The following BRF1 variants were observed in gnomAD, a reference collection of about 807,000 sequenced individuals.
BRF1 encodes the protein BRF1 general transcription factor IIIB subunit, also known as transcription factor IIIB 90 kDa subunit.
BRF1 carries 59 observed loss-of-function variants against 81.7 expected under a neutral mutation model. The observed-to-expected ratio is 0.72, with a 90% confidence interval of 0.59 to 0.90. The LOEUF is 0.90. Among genes scored for constraint, BRF1 ranks in the 40% least tolerant of loss-of-function variants. The pLI is 0.00. For synonymous variants in BRF1, 491 were observed against 395.6 expected (o/e 1.24, Z -2.86); for missense variants, 1,050 against 936.3 (o/e 1.12, Z -1.58).
At chr14:105,241,131 T>C (rs1189514633) in intron 6 of BRF1, 134 bp downstream of exon 6, 8 of 1,417,134 alleles carry the variant, frequency 5.6e-6, no homozygotes, top group Non-Finnish European at 7.6e-6. Flanking sequence ...CAGGCCAGAG[T>C]CAGCCCCGGG....
chr14:105,300,703 G>T lies in BRF1; in HGVS notation c.-74C>A. 8.5e-7 allele frequency: 1 copy of T among 1,172,734 alleles called. No homozygotes were observed. Among genetic ancestry groups the T allele is most frequent in the Non-Finnish European group, 1.1e-6 (1 of 935,208 alleles). 72.6% of individuals were successfully genotyped at this position (1,172,734 alleles called of 1,614,324 possible). ...CACCCGAGCCTCCGGAGCAGCCCGC[G>T]CCGCCCGCCCAGGCCCAGCCGCCCA... On this transcript the variant is annotated 5_prime_UTR_variant, in exon 1 of 18. Coordinates refer to ENST00000547530, the MANE Select transcript of BRF1 (RefSeq NM_001519.4).
chr14:105,249,877 C>T (rs777448614), intron 5 of BRF1: 19 of 1,611,978 alleles, frequency 1.2e-5, no homozygotes, highest in East Asian at 2.2e-5. Flanking sequence ...CCCTACGGTC[C>T]GAAGGCTTCT....
chr14:105,315,325 G>T lies in BRF1; in HGVS notation c.-165C>A, dbSNP rs935252377. Reference sequence around the variant, plus strand: ...GGGGCTCCCGGGCGGCGCTCACCTGGCTCGCCGCAACCGCACCTGCACACC... The same window carrying T: ...GGGGCTCCCGGGCGGCGCTCACCTGTCTCGCCGCAACCGCACCTGCACACC... On this transcript the variant is annotated 5_prime_UTR_variant, in exon 1 of 18. Transcript: ENST00000327359. The surrounding 1 kb of genome is among the most constrained non-coding windows in gnomAD (Gnocchi z 4.4). 1.3e-5 allele frequency: 2 copies of T among 153,684 alleles called. No individual in the cohort carries two copies. The highest frequency in any genetic ancestry group is 1.3e-4 in the Admixed American group (2 of 15,308). 9.5% of individuals were successfully genotyped at this position (153,684 alleles called of 1,614,324 possible).
chr14:105,211,065 C>A, intron 17 of BRF1, 57 bp downstream of exon 17: 2 of 1,594,420 alleles, frequency 1.3e-6, no homozygotes, highest in Non-Finnish European at 1.7e-6. Context: ...TCATGAGGGG[C>A]AGTAGCTGAT....
At chr14:105,214,399 CCA>C (rs749451792) in intron 15 of BRF1, among the ~76,000 whole-genome samples, 6 of 152,166 alleles carry the variant, frequency 3.9e-5, no homozygotes, top group African/African-American at 7.2e-5. Flanking sequence ...GAGCGGCTGC[CCA>C]CATCCCTGTG....
intron 10 of BRF1, among the ~76,000 whole-genome samples, chr14:105,222,836 G>A (rs1892505838): frequency 6.6e-6 from 1 of 152,122 alleles, no homozygotes; most frequent in Non-Finnish European, 1.5e-5. Flanking sequence ...CACTGTGTTA[G>A]CCAGGATGGT....
chr14:105,286,162 G>A, intron 2 of BRF1, 134 bp downstream of exon 2: 3 of 1,011,246 alleles, frequency 3.0e-6, no homozygotes, highest in Non-Finnish European at 4.4e-6. Flanking sequence ...AAGCAGCCTG[G>A]GCTGGGCGTG....
At chr14:105,247,691 G>T in intron 5 of BRF1, 1 of 985,430 alleles carries the variant, frequency 1.0e-6, no homozygotes, top group Non-Finnish European at 1.2e-6. Context: ...CCTGCATATG[G>T]AAGTTTTAAA....
intron 5 of BRF1, chr14:105,241,647 C>G (rs1481377263): frequency 8.4e-6 from 5 of 594,222 alleles, no homozygotes; most frequent in South Asian, 7.7e-5. Flanking sequence ...TGCAGACACG[C>G]TAGGGCCAGG....
Position 105,210,497 on chromosome 14 carries a change from T to G in BRF1, c.*54A>C. 2 of 1,600,066 alleles carry G rather than the reference T, an allele frequency of 1.2e-6. No homozygotes were observed. Among genetic ancestry groups the G allele is most frequent in the Non-Finnish European group, 1.7e-6 (2 of 1,176,172 alleles). On this transcript the variant is annotated 3_prime_UTR_variant, in exon 18 of 18. Coordinates refer to ENST00000547530, the MANE Select transcript of BRF1 (RefSeq NM_001519.4). The surrounding 1 kb of genome is among the most constrained non-coding windows in gnomAD (Gnocchi z 4.7). The stretch of plus-strand genomic sequence containing the variant: ...GCGGTCCTGGAAGCCCGTCTGATGC[T>G]GAGGAGACCCGCGAGGCCCCCTGCC...
intron 5 of BRF1, chr14:105,248,278 A>C: frequency 1.0e-6 from 1 of 985,458 alleles, no homozygotes. Flanking sequence ...CCGGAATGCA[A>C]ATGGCCAAAC....
At position 105,284,673 on chromosome 14, in the gene BRF1, T is replaced by C. The variant is rs372582611; in HGVS notation, c.265+1623A>G. On this transcript the variant is annotated intron_variant, in intron 2 of 17. Transcript: ENST00000547530. This position sits in a 1 kb window ranked among gnomAD's most constrained non-coding sequence, Gnocchi z 4.0. ...AAGCCAAAGAGATCCTAGCACAAAG[T>C]ATCCCTGCCTGGACTGACCCACGGC... Among the ~76,000 whole-genome samples, 3 of 152,302 alleles carry C rather than the reference T, an allele frequency of 2.0e-5. No individual in the cohort carries two copies. Among genetic ancestry groups the C allele is most frequent in the African/African-American group, 7.2e-5 (3 of 41,562 alleles).
At chr14:105,292,598 G>A (rs1021197056) in intron 1 of BRF1, among the ~76,000 whole-genome samples, 3 of 152,180 alleles carry the variant, frequency 2.0e-5, no homozygotes, top group African/African-American at 7.2e-5. Flanking sequence ...GGTCCCACAG[G>A]TGAGTGCCCA....
chr14:105,250,724 G>T (rs1187371762), intron 5 of BRF1: 1 of 1,530,256 alleles, frequency 6.5e-7, no homozygotes, highest in African/African-American at 1.4e-5. Flanking sequence ...GGGAAGTCAA[G>T]ATGCTAACTG....
rs906590889 is a variant in BRF1 at position 105,228,576 on chromosome 14, G to C, written c.788+244C>G. Among the ~76,000 whole-genome samples, 3 of 152,060 alleles carry C rather than the reference G, an allele frequency of 2.0e-5. No homozygotes were observed. The East Asian group carries it at 5.8e-4, about 29-fold the overall frequency. On this transcript the variant is annotated intron_variant, in intron 7 of 17. Transcript: ENST00000547530. ...AAAAAAAAATACAGGGATCGGAGGA[G>C]GAGGATGCCTCCGCAGGATAGGGCC...
chr14:105,256,215 T>C, intron 4 of BRF1: 1 of 1,535,780 alleles, frequency 6.5e-7, no homozygotes, highest in Non-Finnish European at 8.7e-7. Flanking sequence ...TAATTGAAAA[T>C]AATCTCCTTT....
chr14:105,244,644 G>A (rs587759144), intron 5 of BRF1, among the ~76,000 whole-genome samples: 2 of 151,856 alleles, frequency 1.3e-5, no homozygotes, highest in African/African-American at 4.8e-5. Context: ...CAGCGACAGA[G>A]GAAGAATTAA....
chr14:105,221,638 C>A lies in BRF1; in HGVS notation c.1315+10G>T, dbSNP rs778033518. 1 of 1,607,146 alleles carries A rather than the reference C, an allele frequency of 6.2e-7. No individual in the cohort carries two copies. The highest frequency in any genetic ancestry group is 8.5e-7 in the Non-Finnish European group (1 of 1,178,736). ...ACCTCAGCGTCCCCCAGGGCCCCAT[C>A]AGAACTCACTGGGGTCGCTGCTCTG... On this transcript the variant is annotated intron_variant, in intron 11 of 17. Transcript: ENST00000547530.
At chr14:105,247,596 C>G in intron 5 of BRF1, 2 of 985,470 alleles carry the variant, frequency 2.0e-6, no homozygotes, top group Non-Finnish European at 2.4e-6. Context: ...CACAGAGACA[C>G]AGAGCTCCTG....
Sources: allele counts gnomAD v4.1 joint callset (sites outside exome capture counted in the v4.1 genomes callset), GRCh38; gene constraint gnomAD v4.1.1; non-coding constraint Gnocchi (gnomAD v3.1); transcripts MANE v1.5; gene names NCBI Gene and HGNC (gene_info 2026-07-23, HGNC 2026-07-21).